HIGD1C: variants seen among roughly 807,000 people sequenced by gnomAD.
The protein encoded by HIGD1C is HIG1 hypoxia inducible domain family member 1C.
A neutral mutation model predicts 13.1 loss-of-function variants in HIGD1C; 11 were observed. That is an observed-to-expected ratio of 0.84 (90% CI 0.53 to 1.39). HIGD1C has a LOEUF of 1.39. HIGD1C is among the 40% of genes most tolerant of loss of function. HIGD1C has a pLI of 0.00. For missense variants in HIGD1C, 110 were observed against 112.0 expected, an observed-to-expected ratio of 0.98 and a Z score of 0.08; for synonymous variants, 36 against 37.7, an observed-to-expected ratio of 0.95 and a Z score of 0.17.
chr12:50,971,840 G>T (rs895430891), downstream of HIGD1C, among the ~76,000 whole-genome samples: 1 of 152,214 alleles, frequency 6.6e-6, no homozygotes, highest in Non-Finnish European at 1.5e-5. Flanking sequence ...GGATAAGAAA[G>T]ATGTAAGAAT....
chr12:50,935,575 A>T, the HIGD1C span: 3 of 152,182 alleles, frequency 2.0e-5, no homozygotes, highest in Non-Finnish European at 4.4e-5. Context: ...TGCAGCTTCA[A>T]TCTCCCAGGC....
chr12:50,936,707 T>C, the HIGD1C span, among the ~76,000 whole-genome samples: 2 of 152,232 alleles, frequency 1.3e-5, no homozygotes, highest in Admixed American at 6.5e-5. Flanking sequence ...TTCTGTATTA[T>C]TCTATGTTCA....
chr12:50,960,098 A>T (rs889125836), intron 1 of HIGD1C, among the ~76,000 whole-genome samples: 13 of 152,160 alleles, frequency 8.5e-5, no homozygotes, highest in African/African-American at 2.4e-4. Context: ...CAGTATATTC[A>T]CCCCTTGACA....
chr12:50,950,984 A>G (rs543519486), upstream of HIGD1C, among the ~76,000 whole-genome samples: 2 of 149,640 alleles, frequency 1.3e-5, no homozygotes, highest in African/African-American at 2.5e-5. Context: ...GCGCCCGGCC[A>G]TAAGTTTTTT....
upstream of HIGD1C, among the ~76,000 whole-genome samples, chr12:50,953,496 G>A (rs1938974784): frequency 6.6e-6 from 1 of 152,218 alleles, no homozygotes; most frequent in South Asian, 2.1e-4. Context: ...TAGGTGCTTG[G>A]TAAATATCTG....
the HIGD1C span, among the ~76,000 whole-genome samples, chr12:50,947,264 T>G: frequency 6.6e-6 from 1 of 152,186 alleles, no homozygotes; most frequent in Non-Finnish European, 1.5e-5. Context: ...CTAAGTGGCT[T>G]AAAACACCAC....
the HIGD1C span, among the ~76,000 whole-genome samples, chr12:50,933,363 G>A: frequency 1.6e-3 from 239 of 152,344 alleles, 1 homozygote; most frequent in African/African-American, 5.3e-3. Flanking sequence ...CATGTCCAAT[G>A]TCTTTTAGGT....
At chr12:50,939,252 A>G in the HIGD1C span, among the ~76,000 whole-genome samples, 3 of 152,162 alleles carry the variant, frequency 2.0e-5, no homozygotes, top group African/African-American at 7.2e-5. Context: ...AGTTGAAGCA[A>G]TTCTCCTGCC....
chr12:50,964,575 T>C (rs1389755480), intron 2 of HIGD1C, among the ~76,000 whole-genome samples: 2 of 152,188 alleles, frequency 1.3e-5, no homozygotes, highest in East Asian at 3.8e-4. Context: ...GACTAGATTA[T>C]GACATACGGC....
chr12:50,946,260 C>A, the HIGD1C span, among the ~76,000 whole-genome samples: 2 of 152,136 alleles, frequency 1.3e-5, no homozygotes, highest in African/African-American at 4.8e-5. Context: ...AGCTTCTGCA[C>A]AGCAAAAGAA....
At chr12:50,965,819 C>T (rs1466535661) in intron 2 of HIGD1C, among the ~76,000 whole-genome samples, 1 of 152,170 alleles carries the variant, frequency 6.6e-6, no homozygotes, top group Non-Finnish European at 1.5e-5. Context: ...GGAAGACTTA[C>T]ATCTATTTTT....
Position 50,969,693 on chromosome 12 carries a change from A to C in HIGD1C, c.230-749A>C, listed in dbSNP as rs1456026536. On this transcript the variant is annotated intron_variant, in intron 2 of 2. Coordinates refer to ENST00000398455, the Ensembl canonical transcript of HIGD1C. ...CTCCAGCCTGGGTGACAAGAGCAAG[A>C]CTCCATCTCAAAAAAAAAAAAACAA... Among the ~76,000 whole-genome samples the C allele has an allele frequency of 7.5e-5, 11 of 145,862 alleles. 1 individual carries two copies. The highest frequency in any genetic ancestry group is 1.7e-4 in the Non-Finnish European group (11 of 66,270).
chr12:50,966,204 C>A (rs1383389371), intron 2 of HIGD1C, among the ~76,000 whole-genome samples: 2 of 152,158 alleles, frequency 1.3e-5, no homozygotes, highest in African/African-American at 4.8e-5. Flanking sequence ...TTAGGGAGCC[C>A]AGCAGTTTGC....
downstream of HIGD1C, chr12:50,970,609 A>G: frequency 1.4e-6 from 1 of 704,570 alleles, no homozygotes; most frequent in Non-Finnish European, 2.5e-6. Context: ...CAAGTGTCAC[A>G]GAATGCTCAT....
the HIGD1C span, among the ~76,000 whole-genome samples, chr12:50,948,883 A>G: frequency 4.5e-4 from 1 of 2,210 alleles, no homozygotes; most frequent in African/African-American, 2.8e-3. Context: ...GGGGAGGGGG[A>G]GGGGAGGGGG....
the HIGD1C span, chr12:50,932,344 G>T: frequency 6.6e-6 from 1 of 152,176 alleles, no homozygotes; most frequent in Non-Finnish European, 1.5e-5. Flanking sequence ...ATCATCACAA[G>T]TGCCTCTGAA....
At chr12:50,932,491 T>C in the HIGD1C span, 1 of 152,248 alleles carries the variant, frequency 6.6e-6, no homozygotes, top group African/African-American at 2.4e-5. Context: ...AAATTCACAT[T>C]TGTGTTAGGA....
chr12:50,963,385 A>G (rs966517921), intron 2 of HIGD1C, among the ~76,000 whole-genome samples: 6 of 151,086 alleles, frequency 4.0e-5, no homozygotes, highest in Non-Finnish European at 7.4e-5. Context: ...AAAAAAAAAA[A>G]AAAAAAAAGA....
upstream of HIGD1C, among the ~76,000 whole-genome samples, chr12:50,949,668 C>T (rs1326100443): frequency 1.3e-5 from 2 of 150,882 alleles, no homozygotes; most frequent in African/African-American, 2.4e-5. Flanking sequence ...TCAGTAGCTG[C>T]GATTACAGGC....
Sources: gnomAD v4.1 joint callset for allele counts (sites outside exome capture counted in the v4.1 genomes callset) on GRCh38, gnomAD v4.1.1 for gene constraint, MANE v1.5 for transcripts, NCBI Gene and HGNC (gene_info 2026-07-23, HGNC 2026-07-21) for gene names.